The following GLRA2 variants were observed in gnomAD, a reference collection of about 807,000 sequenced individuals.
GLRA2 encodes glycine receptor subunit alpha-2.
In GLRA2, 11 loss-of-function variants were observed where a neutral mutation model predicts 31.6. The observed-to-expected ratio is 0.35, with a 90% CI of 0.22 to 0.58. The LOEUF (loss-of-function observed/expected upper bound fraction) is 0.58. Ranked by LOEUF, GLRA2 falls within the 20% of genes least tolerant of loss-of-function variation. The pLI is 0.84. For synonymous variants in GLRA2, 132 were observed against 134.0 expected (o/e 0.99, Z 0.10); for missense variants, 212 against 351.8 (o/e 0.60, Z 3.18).
chrX:14,722,661 T>A (rs993325063), intron 8 of GLRA2, among the ~76,000 whole-genome samples: 5 of 111,794 alleles, frequency 4.5e-5, no homozygotes, highest in Admixed American at 9.5e-5. Context: ...GACTTCTATA[T>A]GACATATGGA....
At chrX:14,493,640 CAT>C in the GLRA2 span, among the ~76,000 whole-genome samples, 773 of 90,350 alleles carry the variant, frequency 8.6e-3, 30 homozygotes, top group Admixed American at 0.071. Flanking sequence ...TACATATATA[CAT>C]ATATATACAT....
chrX:14,590,658 G>T (rs1179880057), intron 4 of GLRA2, among the ~76,000 whole-genome samples: 1 of 111,891 alleles, frequency 8.9e-6, no homozygotes, highest in Non-Finnish European at 1.9e-5. Context: ...TTAGAAGGCA[G>T]CTATGAAAAA....
intron 4 of GLRA2, among the ~76,000 whole-genome samples, chrX:14,602,352 G>GTTGT (rs368812932): frequency 0.06 from 6,286 of 104,221 alleles, 171 homozygotes; most frequent in Admixed American, 0.084. Flanking sequence ...TGTACAAACC[G>GTTGT]TTGTTTGTTT....
intron 4 of GLRA2, among the ~76,000 whole-genome samples, chrX:14,589,077 T>C (rs1326636528): frequency 9.0e-6 from 1 of 111,448 alleles, no homozygotes; most frequent in Admixed American, 9.6e-5. Flanking sequence ...TTTCTTTCTC[T>C]TGCCTGATTG....
chrX:14,659,801 A>G (rs2090974134), intron 7 of GLRA2, among the ~76,000 whole-genome samples: 1 of 112,214 alleles, frequency 8.9e-6, no homozygotes, highest in Non-Finnish European at 1.9e-5. Context: ...AGTGAGTCCT[A>G]CTATCACATC....
intron 2 of GLRA2, among the ~76,000 whole-genome samples, chrX:14,552,221 A>AGCT (rs1447787758): frequency 2.7e-5 from 3 of 111,773 alleles, no homozygotes; most frequent in African/African-American, 9.8e-5. Flanking sequence ...ATAATTGTAC[A>AGCT]GCTATATATG....
intron 2 of GLRA2, 27 bp from the exon 3 acceptor site, chrX:14,574,306 T>C (rs762310900): frequency 2.2e-5 from 23 of 1,025,608 alleles, no homozygotes; most frequent in Middle Eastern, 2.7e-4. Flanking sequence ...TCAATGTCTA[T>C]TGCAATATTC....
At chrX:14,466,091 A>G in the GLRA2 span, among the ~76,000 whole-genome samples, 1 of 111,855 alleles carries the variant, frequency 8.9e-6, no homozygotes, top group African/African-American at 3.3e-5. Context: ...TTGCTCCTTC[A>G]TATTGGCTTT....
the GLRA2 span, among the ~76,000 whole-genome samples, chrX:14,496,485 A>G: frequency 8.9e-6 from 1 of 111,914 alleles, no homozygotes; most frequent in South Asian, 3.7e-4. Context: ...ACAATTAACT[A>G]TAAGGCAAGT....
intron 2 of GLRA2, among the ~76,000 whole-genome samples, chrX:14,532,878 A>G (rs2089275500): frequency 9.0e-6 from 1 of 111,501 alleles, no homozygotes; most frequent in South Asian, 3.7e-4. Context: ...TTTTTGTTTA[A>G]GCATTCTCAT....
the GLRA2 span, among the ~76,000 whole-genome samples, chrX:14,507,689 CT>C: frequency 0.01 from 478 of 46,528 alleles, 2 homozygotes; most frequent in African/African-American, 0.039. Flanking sequence ...GAAAGACATT[CT>C]TTTTTTTTTT....
chrX:14,627,048 G>T (rs1243576713), intron 7 of GLRA2, among the ~76,000 whole-genome samples: 1 of 110,884 alleles, frequency 9.0e-6, no homozygotes. Flanking sequence ...TCTTGACCTG[G>T]GTAGTGGTTA....
chrX:14,581,006 C>G (rs1172113847), intron 3 of GLRA2, among the ~76,000 whole-genome samples, 177 bp from the exon 4 acceptor site: 1 of 111,525 alleles, frequency 9.0e-6, no homozygotes, highest in Non-Finnish European at 1.9e-5. Context: ...CTTTTTCTTT[C>G]TCCCTTTTGT....
intron 3 of GLRA2, chrX:14,574,633 TG>T: frequency 1.3e-6 from 1 of 780,914 alleles, no homozygotes; most frequent in South Asian, 2.2e-5. Flanking sequence ...GTGGCATATT[TG>T]TGAGACATTT....
intron 4 of GLRA2, among the ~76,000 whole-genome samples, chrX:14,591,284 T>C (rs1035943019): frequency 1.3e-4 from 15 of 111,748 alleles, no homozygotes; most frequent in African/African-American, 3.6e-4. Flanking sequence ...AGTCCCATGA[T>C]AGGCTGTCTG....
rs1772193899 is a variant in GLRA2 at position 14,581,190 on chromosome X, G to A, written c.278G>A (p.Arg93Gln). ...GSVTETTMDYRVNIFLRQQWN... is the reference protein window; with the variant it reads ...GSVTETTMDYQVNIFLRQQWN... ...TCCACGGCATTTCTGTAGGACTACC[G>A]AGTGAATATTTTTCTGAGACAACAG... Residue 93 changes from arginine to glutamine, a missense_variant, in exon 4 of 9, where the codon CGA becomes CAA. By Grantham distance (43) the Arg-to-Gln change is conservative. Around this residue, in one of 5 missense-constraint regions of GLRA2, gnomAD observed 110 missense variants for 232.6 expected, o/e 0.47. Transcript: ENST00000218075. The A allele has an allele frequency of 2.6e-6, 3 of 1,144,548 alleles. No homozygotes were observed. Among genetic ancestry groups the A allele is most frequent in the Non-Finnish European group, 2.4e-6 (2 of 834,199 alleles). 94.3% of individuals were successfully genotyped at this position (1,144,548 alleles called of 1,213,427 possible).
chrX:14,716,082 G>C (rs1056796540), intron 8 of GLRA2, among the ~76,000 whole-genome samples: 1 of 111,275 alleles, frequency 9.0e-6, no homozygotes, highest in African/African-American at 3.3e-5. Flanking sequence ...AGCTGACCCT[G>C]TCAGAAGGTC....
chrX:14,590,760 G>T (rs1335270922), intron 4 of GLRA2, among the ~76,000 whole-genome samples: 2 of 112,079 alleles, frequency 1.8e-5, no homozygotes, highest in Non-Finnish European at 3.8e-5. Context: ...TTCTAACTCT[G>T]TGTCCAAATC....
At chrX:14,498,633 T>C in the GLRA2 span, among the ~76,000 whole-genome samples, 1 of 111,557 alleles carries the variant, frequency 9.0e-6, no homozygotes, top group Admixed American at 9.5e-5. Context: ...TATTCTCTTC[T>C]AGTTATTTTT....
Sources: allele counts gnomAD v4.1 joint callset (sites outside exome capture counted in the v4.1 genomes callset), GRCh38; gene constraint gnomAD v4.1.1; regional missense constraint gnomAD v4.1.1; transcripts MANE v1.5; gene names NCBI Gene and HGNC (gene_info 2026-07-23, HGNC 2026-07-21).